AKAP6: variants seen among roughly 807,000 people sequenced by gnomAD.
The protein encoded by AKAP6 is A-kinase anchoring protein 6.
In AKAP6, 58 loss-of-function variants were observed where a neutral mutation model predicts 188.5. The observed-to-expected ratio is 0.31, with a 90% CI of 0.25 to 0.38. AKAP6 has a LOEUF of 0.38. Among genes scored for constraint, AKAP6 ranks in the 10% least tolerant of loss-of-function variants. The pLI, the probability that AKAP6 is intolerant of heterozygous loss-of-function variation, is 1.00. For missense variants in AKAP6, 2,710 were observed against 2,740.0 expected, an observed-to-expected ratio of 0.99 and a Z score of 0.24; for synonymous variants, 989 against 998.6, an observed-to-expected ratio of 0.99 and a Z score of 0.18.
At position 32,510,295 on chromosome 14, in the gene AKAP6, C is replaced by A. The variant is rs987663386; in HGVS notation, c.325-25259C>A. Among the ~76,000 whole-genome samples, 8 of 149,230 alleles carry A rather than the reference C, an allele frequency of 5.4e-5. No individual in the cohort carries two copies. The Admixed American group carries it at 5.4e-4, about 10-fold the overall frequency. On this transcript the variant is annotated intron_variant, in intron 2 of 13. Coordinates refer to ENST00000280979, the MANE Select transcript of AKAP6 (RefSeq NM_004274.5). ...AACAAACAGGCAAGCAAAAAGCCAC[C>A]GAATTATTAAAAAGTATTCCATGTT...
At chr14:32,430,188 C>T (rs936111318) in intron 1 of AKAP6, among the ~76,000 whole-genome samples, 8 of 152,192 alleles carry the variant, frequency 5.3e-5, no homozygotes, top group Admixed American at 3.9e-4. Flanking sequence ...AGGCAGGAAA[C>T]TTCCAACAGC....
At chr14:32,776,081 G>A (rs192308330) in intron 12 of AKAP6, among the ~76,000 whole-genome samples, 1 of 152,320 alleles carries the variant, frequency 6.6e-6, no homozygotes, top group East Asian at 1.9e-4. Context: ...AATGTGGGAG[G>A]CTGCCTTTGC....
At chr14:32,445,205 T>C (rs1890717372) in intron 2 of AKAP6, among the ~76,000 whole-genome samples, 1 of 152,164 alleles carries the variant, frequency 6.6e-6, no homozygotes, top group Non-Finnish European at 1.5e-5. Context: ...CAGAAATTCA[T>C]ACCTTGGAAT....
chr14:32,607,188 C>T (rs1886159260), intron 7 of AKAP6, among the ~76,000 whole-genome samples: 1 of 152,200 alleles, frequency 6.6e-6, no homozygotes, highest in Non-Finnish European at 1.5e-5. Context: ...CCTGATTCTT[C>T]CACAGCATTG....
chr14:32,490,436 C>T (rs962882282), intron 2 of AKAP6, among the ~76,000 whole-genome samples: 3 of 152,146 alleles, frequency 2.0e-5, no homozygotes, highest in East Asian at 3.8e-4. Context: ...ACCTTACTTT[C>T]CTGGAATGAA....
At chr14:32,729,418 G>T (rs2031060952) in intron 9 of AKAP6, among the ~76,000 whole-genome samples, 1 of 152,028 alleles carries the variant, frequency 6.6e-6, no homozygotes. Flanking sequence ...TTATAATTCA[G>T]TTTTAGCATT....
chr14:32,514,207 A>G (rs1007670180), intron 2 of AKAP6, among the ~76,000 whole-genome samples: 2 of 152,158 alleles, frequency 1.3e-5, no homozygotes, highest in Admixed American at 1.3e-4. Context: ...AATTTTCAGA[A>G]CCTTAACCAA....
intron 8 of AKAP6, among the ~76,000 whole-genome samples, chr14:32,690,076 TACACACACACAC>T (rs10658220): frequency 0.02 from 2,672 of 136,016 alleles, 45 homozygotes; most frequent in Non-Finnish European, 0.033. Context: ...TGCCCCAAAA[TACACACACACAC>T]ACACACACAC....
chr14:32,681,670 T>C (rs578080360), intron 8 of AKAP6, among the ~76,000 whole-genome samples: 1 of 143,756 alleles, frequency 7.0e-6, no homozygotes, highest in Non-Finnish European at 1.5e-5. Context: ...ATTCATTAAT[T>C]TGACAAATTT....
rs190699873 is a variant in AKAP6, at chr14:32,742,812, C to T, written c.3372+6930C>T. 1.4e-3 allele frequency among the ~76,000 whole-genome samples: 216 copies of T among 152,084 alleles called. 1 individual carries two copies. Among genetic ancestry groups the T allele is most frequent in the Non-Finnish European group, 2.8e-3 (193 of 67,930 alleles). ...CATATGGTCTATCCTTGAGAATGAT[C>T]CATGTGTTGAGGAAAAAAATGTGTA... is the stretch of plus-strand genomic sequence containing the variant. On this transcript the variant is annotated intron_variant, in intron 11 of 13. Transcript: ENST00000280979.
intron 7 of AKAP6, among the ~76,000 whole-genome samples, chr14:32,634,178 C>A (rs1251912221): frequency 3.9e-5 from 6 of 151,992 alleles, no homozygotes; most frequent in African/African-American, 1.2e-4. Flanking sequence ...TAACCTTGAA[C>A]AAGTTACTCA....
chr14:32,404,691 G>GATAGATTATAT, intron 1 of AKAP6, among the ~76,000 whole-genome samples: 1 of 44,438 alleles, frequency 2.3e-5, no homozygotes, highest in Non-Finnish European at 4.6e-5. Flanking sequence ...GGAGTCAGGA[G>GATAGATTATAT]ATATATATAT....
At chr14:32,547,452 C>T (rs1883251437) in intron 4 of AKAP6, among the ~76,000 whole-genome samples, 1 of 152,088 alleles carries the variant, frequency 6.6e-6, no homozygotes, top group Non-Finnish European at 1.5e-5. Context: ...AGAAATAGAC[C>T]AGACATTTCT....
At chr14:32,816,557 A>G (rs897949476) in intron 12 of AKAP6, among the ~76,000 whole-genome samples, 1 of 152,090 alleles carries the variant, frequency 6.6e-6, no homozygotes, top group African/African-American at 2.4e-5. Flanking sequence ...ATAATTATGT[A>G]ACTAATGCTC....
chr14:32,719,581 T>G (rs890250700), intron 9 of AKAP6, among the ~76,000 whole-genome samples: 1 of 152,222 alleles, frequency 6.6e-6, no homozygotes, highest in African/African-American at 2.4e-5. Context: ...ATATATAGTT[T>G]CTTCCTTATG....
At position 32,830,694 on chromosome 14, in the gene AKAP6, C is replaced by T. The variant is rs2034804212; in HGVS notation, c.*889C>T. 1 of 152,454 alleles carries T rather than the reference C, an allele frequency of 6.6e-6. No individual in the cohort carries two copies. Among genetic ancestry groups the T allele is most frequent in the South Asian group, 2.1e-4 (1 of 4,808 alleles). The allele number at this position is 152,454 out of a possible 1,614,324, so 9.4% of individuals were successfully genotyped here. A position where few individuals can be genotyped will look rare whatever the true frequency, so the allele number is the denominator to read the frequency against. ...AAGTACAAACATTGATGTATAATGA[C>T]AGTATAAAATGCTTTCATGTTTGTG... On this transcript the variant is annotated 3_prime_UTR_variant, in exon 14 of 14. Coordinates refer to ENST00000280979, the MANE Select transcript of AKAP6 (RefSeq NM_004274.5).
intron 7 of AKAP6, among the ~76,000 whole-genome samples, chr14:32,675,054 A>G (rs1043644224): frequency 6.6e-6 from 1 of 152,242 alleles, no homozygotes; most frequent in Admixed American, 6.5e-5. Flanking sequence ...TGGCATTCAC[A>G]CTTCATCTCC....
intron 11 of AKAP6, among the ~76,000 whole-genome samples, chr14:32,759,856 C>A (rs2032478101): frequency 6.6e-6 from 1 of 152,188 alleles, no homozygotes; most frequent in Non-Finnish European, 1.5e-5. Flanking sequence ...TCCCACCAGG[C>A]CCCACCTCCA....
intron 2 of AKAP6, among the ~76,000 whole-genome samples, chr14:32,510,412 A>ATACACATATATATG (rs1881145407): frequency 4.3e-5 from 4 of 92,090 alleles, no homozygotes; most frequent in African/African-American, 1.9e-4. Context: ...ATGTATATAT[A>ATACACATATATATG]TGTATATATA....
Sources: allele counts gnomAD v4.1 joint callset (sites outside exome capture counted in the v4.1 genomes callset), GRCh38; gene constraint gnomAD v4.1.1; transcripts MANE v1.5; gene names NCBI Gene and HGNC (gene_info 2026-07-23, HGNC 2026-07-21).